CAPN1: variants seen among roughly 807,000 people sequenced by gnomAD.
CAPN1 encodes calpain 1.
In CAPN1, 77 loss-of-function variants were observed where a neutral mutation model predicts 105.2. The ratio of observed to expected loss-of-function variants is 0.73; its 90% CI spans 0.61 to 0.88. The LOEUF (loss-of-function observed/expected upper bound fraction) is 0.88, where lower values mean the gene tolerates loss of function less well. Among genes scored for constraint, CAPN1 ranks in the 40% least tolerant of loss-of-function variants. The probability of loss-of-function intolerance (pLI) is 0.00; values close to 1 mark genes in which losing one functional copy is unlikely to be tolerated. For synonymous variants in CAPN1, 355 were observed against 388.8 expected (o/e 0.91, Z 1.02); for missense variants, 833 against 976.6 (o/e 0.85, Z 1.96).
Position 65,210,493 on chromosome 11 carries a change from C to T in CAPN1, c.2059+41C>T. Reference sequence around the variant, plus strand: ...TGCCTCCCACCCTCCAGCTCCGTCCCAAACGCGTCCCCCAGGAGCTGGGGG... The same window carrying T: ...TGCCTCCCACCCTCCAGCTCCGTCCTAAACGCGTCCCCCAGGAGCTGGGGG... On this transcript the variant is annotated intron_variant, in intron 20 of 21. Coordinates refer to ENST00000279247, the MANE Select transcript of CAPN1 (RefSeq NM_005186.4). This position sits in a 1 kb window ranked among gnomAD's most constrained non-coding sequence, Gnocchi z 4.3. The T allele has an allele frequency of 1.7e-6, 2 of 1,201,020 alleles. No individual in the cohort carries two copies. Among genetic ancestry groups the T allele is most frequent in the South Asian group, 1.3e-5 (1 of 79,920 alleles). 74.4% of individuals were successfully genotyped at this position (1,201,020 alleles called of 1,614,324 possible). A position where few individuals can be genotyped will look rare whatever the true frequency, so the allele number is the denominator to read the frequency against.
rs1949039774 is a variant in CAPN1 at position 65,210,964 on chromosome 11, G to A, written c.2118+92G>A. 6 of 1,199,662 alleles carry A rather than the reference G, an allele frequency of 5.0e-6. No homozygotes were observed. The highest frequency in any genetic ancestry group is 7.5e-6 in the Non-Finnish European group (6 of 805,000). 74.3% of individuals were successfully genotyped at this position (1,199,662 alleles called of 1,614,324 possible). A position where few individuals can be genotyped will look rare whatever the true frequency, so the allele number is the denominator to read the frequency against. On this transcript the variant is annotated intron_variant, in intron 21 of 21. Coordinates refer to ENST00000279247, the MANE Select transcript of CAPN1 (RefSeq NM_005186.4). The surrounding 1 kb of genome is among the most constrained non-coding windows in gnomAD (Gnocchi z 4.3). ...GTGTTCCCTGTCCTTTCCTGGAAAT[G>A]AGCCTGGGCCTCAGAGCCAACCCTG... is the stretch of plus-strand genomic sequence containing the variant.
Position 65,187,969 on chromosome 11 carries a change from C to T in CAPN1, c.858C>T (p.Gly286=), listed in dbSNP as rs763764817. Residue 286 remains glycine (G), a synonymous_variant, in exon 8 of 22, where the codon GGC becomes GGT. Transcript: ENST00000279247. The part of the protein sequence containing the change: ...VTGAKQVNYR[G]QVVSLIRMRN... ...CTGGCAAATAGGTGAACTACCGAGG[C>T]CAGGTGGTGAGCCTGATCCGGATGC... is the stretch of plus-strand genomic sequence containing the variant. 1 of 1,560,414 alleles carries T rather than the reference C, an allele frequency of 6.4e-7. No individual in the cohort carries two copies. Among genetic ancestry groups the T allele is most frequent in the South Asian group, 1.2e-5 (1 of 84,562 alleles).
At position 65,188,120 on chromosome 11, in the gene CAPN1, G is replaced by C; in HGVS notation, c.929+80G>C. ...GACATTTCTGCTCGGGACTCTACCA[G>C]GCCAGGCTGGACTCAGGATTGAGCA... On this transcript the variant is annotated intron_variant, in intron 8 of 21. Coordinates refer to ENST00000279247, the MANE Select transcript of CAPN1 (RefSeq NM_005186.4). The surrounding 1 kb of genome is among the most constrained non-coding windows in gnomAD (Gnocchi z 5.5). 2.0e-6 allele frequency: 2 copies of C among 1,025,602 alleles called. No individual in the cohort carries two copies. The highest frequency in any genetic ancestry group is 5.2e-5 in the East Asian group (2 of 38,470). 63.5% of individuals were successfully genotyped at this position (1,025,602 alleles called of 1,614,324 possible).
At chr11:65,207,265 T>C (rs1455863777) in intron 14 of CAPN1, among the ~76,000 whole-genome samples, 4 of 148,100 alleles carry the variant, frequency 2.7e-5, no homozygotes, top group Admixed American at 2.0e-4. Context: ...AATGGCGTGA[T>C]CTCGGCTCAC....
At chr11:65,193,864 G>C (rs1168333117) in intron 10 of CAPN1, among the ~76,000 whole-genome samples, 1 of 151,234 alleles carries the variant, frequency 6.6e-6, no homozygotes, top group Non-Finnish European at 1.5e-5. Flanking sequence ...CAAGTGGCTG[G>C]GATTATACGT....
chr11:65,202,761 ATAC>A (rs779508093), intron 10 of CAPN1, among the ~76,000 whole-genome samples: 5 of 152,148 alleles, frequency 3.3e-5, no homozygotes, highest in Non-Finnish European at 7.3e-5. Context: ...CGATTTAAAT[ATAC>A]TATTAAATAT....
At position 65,209,280 on chromosome 11, in the gene CAPN1, G is replaced by A. The variant is rs780599007; in HGVS notation, c.1730-43G>A. The A allele has an allele frequency of 5.1e-6, 8 of 1,562,908 alleles. No individual in the cohort carries two copies. The African/African-American group carries it at 8.1e-5, about 16-fold the overall frequency. ...GTGCTCCCAGCAGGGGCAGGTGCAG[G>A]AAGCTCACTAGGTGGAGATGTTGGA... On this transcript the variant is annotated intron_variant, in intron 16 of 21. Transcript: ENST00000279247. This position sits in a 1 kb window ranked among gnomAD's most constrained non-coding sequence, Gnocchi z 4.1.
At chr11:65,185,080 C>T (rs990974866) in intron 4 of CAPN1, among the ~76,000 whole-genome samples, 2 of 151,854 alleles carry the variant, frequency 1.3e-5, no homozygotes, top group Non-Finnish European at 2.9e-5. Context: ...ATCCCCTTAG[C>T]CCTCTGAAGG....
Position 65,194,180 on chromosome 11 carries a change from C to T in CAPN1, c.1165+5434C>T, listed in dbSNP as rs199807164. ...ACCAGGTTTGACCATGTTGGCCAGG[C>T]TGGTCTTGAATTCCTGACCTCAACT... On this transcript the variant is annotated intron_variant, in intron 10 of 21. Transcript: ENST00000279247. 7.9e-5 allele frequency among the ~76,000 whole-genome samples: 12 copies of T among 152,020 alleles called. No homozygotes were observed. In the East Asian group the frequency reaches 2.1e-3, roughly 27 times the overall value.
In CAPN1 at chr11:65,182,939, A is replaced by C; in HGVS notation, c.238A>C (p.Thr80Pro). The stretch of plus-strand genomic sequence containing the variant: ...GGACCTGGGTCCCAATTCCTCCAAG[A>C]CCTATGGCATCAAGTGGAAGCGTCC... The part of the protein sequence containing the change: ...YKDLGPNSSK[T>P]YGIKWKRPTE... The change falls in exon 2 of 22, where the codon ACC becomes CCC. Residue 80 changes from threonine (T) to proline (P), a missense_variant. Thr to Pro is a conservative substitution (Grantham distance 38, BLOSUM62 -1). Coordinates refer to ENST00000279247, the MANE Select transcript of CAPN1 (RefSeq NM_005186.4). 1 of 1,613,216 alleles carries C rather than the reference A, an allele frequency of 6.2e-7. No individual in the cohort carries two copies. The highest frequency in any genetic ancestry group is 8.5e-7 in the Non-Finnish European group (1 of 1,179,602).
In CAPN1 at chr11:65,209,745, C is replaced by G. The variant is rs1949015656; in HGVS notation, c.1795-104C>G. On this transcript the variant is annotated intron_variant, in intron 17 of 21. Coordinates refer to ENST00000279247, the MANE Select transcript of CAPN1 (RefSeq NM_005186.4). This position sits in a 1 kb window ranked among gnomAD's most constrained non-coding sequence, Gnocchi z 4.1. ...TTTTGCTGCTTCTCCTCACCCAGCC[C>G]CAAGTCGACTTGCCGGCTCGGCGGC... The G allele has an allele frequency of 1.8e-6, 2 of 1,142,146 alleles. No homozygotes were observed. Among genetic ancestry groups the G allele is most frequent in the Non-Finnish European group, 2.6e-6 (2 of 783,282 alleles). 70.8% of individuals were successfully genotyped at this position (1,142,146 alleles called of 1,614,324 possible).
chr11:65,211,268 G>T lies in CAPN1; in HGVS notation c.2127G>T (p.Gln709His). 1 of 1,612,744 alleles carries T rather than the reference G, an allele frequency of 6.2e-7. No homozygotes were observed. Residue 709 changes from glutamine to histidine, a missense_variant, in exon 22 of 22, where the codon CAG (glutamine) becomes CAT (histidine). Transcript: ENST00000279247. Reference sequence around the variant, plus strand: ...TGCCTGTTCTCCCGCAGTGGTTGCAGCTGACCATGTTTGCATGAGGCAGGG... The same window carrying T: ...TGCCTGTTCTCCCGCAGTGGTTGCATCTGACCATGTTTGCATGAGGCAGGG... ...VVTFDLFKWL[Q>H]LTMFA
At chr11:65,181,691 T>G (rs1948533936), upstream of CAPN1, 1 of 291,856 alleles carries the variant, frequency 3.4e-6, no homozygotes, top group Non-Finnish European at 6.9e-6. This position sits in a 1 kb window ranked among gnomAD's most constrained non-coding sequence, Gnocchi z 4.6. Context: ...CCCCCCGCGC[T>G]GGCCCCTCCC....
Position 65,209,928 on chromosome 11 carries a change from C to A in CAPN1, c.1863+11C>A, listed in dbSNP as rs930268647. The A allele has an allele frequency of 1.2e-6, 2 of 1,613,372 alleles. No homozygotes were observed. The highest frequency in any genetic ancestry group is 1.7e-6 in the Non-Finnish European group (2 of 1,179,766). ...ATCCGGAATTACCTGGTAGGTTGTC[C>A]CCACTCACCTCAGTCATGCAGGTGC... is the stretch of plus-strand genomic sequence containing the variant. On this transcript the variant is annotated intron_variant, in intron 18 of 21. Coordinates refer to ENST00000279247, the MANE Select transcript of CAPN1 (RefSeq NM_005186.4). The surrounding 1 kb of genome is among the most constrained non-coding windows in gnomAD (Gnocchi z 4.1).
At position 65,201,850 on chromosome 11, in the gene CAPN1, T is replaced by C. The variant is rs61231480; in HGVS notation, c.1166-2833T>C. Among the ~76,000 whole-genome samples, 1,029 of 141,882 alleles carry C rather than the reference T, an allele frequency of 7.3e-3. 12 individuals are homozygous for C. The highest frequency in any genetic ancestry group is 0.026 in the African/African-American group (969 of 37,952). 93.1% of individuals were successfully genotyped at this position (141,882 alleles called of 152,430 possible). On this transcript the variant is annotated intron_variant, in intron 10 of 21. Transcript: ENST00000279247. Reference sequence around the variant, plus strand: ...TTGTTTTTTTTTTTTTGAGACACGGTCTTGGTCTGTTGCCCAGGCTGGAGT... The same window carrying C: ...TTGTTTTTTTTTTTTTGAGACACGGCCTTGGTCTGTTGCCCAGGCTGGAGT...
intron 10 of CAPN1, among the ~76,000 whole-genome samples, chr11:65,201,195 T>C (rs1305646863): frequency 6.6e-6 from 1 of 151,432 alleles, no homozygotes; most frequent in African/African-American, 2.4e-5. Context: ...CCGCCCATCT[T>C]GGCCTCCCAA....
chr11:65,211,625 C>A lies in CAPN1; in HGVS notation c.*339C>A. The A allele has an allele frequency of 2.2e-6, 1 of 451,188 alleles. No homozygotes were observed. Among genetic ancestry groups the A allele is most frequent in the Non-Finnish European group, 4.1e-6 (1 of 244,250 alleles). 27.9% of individuals were successfully genotyped at this position (451,188 alleles called of 1,614,324 possible). A position where few individuals can be genotyped will look rare whatever the true frequency, so the allele number is the denominator to read the frequency against. On this transcript the variant is annotated 3_prime_UTR_variant, in exon 22 of 22. Transcript: ENST00000279247. ...TCCCCTCTCCCCACTTCAGAGGCCACCCACTCAGCACCACCGGCCTGGCCT... is the reference window on the plus strand; with the variant it reads ...TCCCCTCTCCCCACTTCAGAGGCCAACCACTCAGCACCACCGGCCTGGCCT...
intron 10 of CAPN1, among the ~76,000 whole-genome samples, chr11:65,192,920 T>C (rs2137341110): frequency 6.6e-6 from 1 of 151,190 alleles, no homozygotes; most frequent in South Asian, 2.1e-4. Context: ...AGTTGTATTT[T>C]CTAATAATTT....
intron 10 of CAPN1, among the ~76,000 whole-genome samples, chr11:65,196,639 T>G (rs530741576): frequency 6.1e-4 from 93 of 152,360 alleles, no homozygotes; most frequent in Non-Finnish European, 1.2e-4. Flanking sequence ...GTTATTGATT[T>G]GATAGCTCTC....
Sources: allele counts gnomAD v4.1 joint callset (sites outside exome capture counted in the v4.1 genomes callset), GRCh38; gene constraint gnomAD v4.1.1; non-coding constraint Gnocchi (gnomAD v3.1); transcripts MANE v1.5; gene names NCBI Gene and HGNC (gene_info 2026-07-23, HGNC 2026-07-21).